Variants in PLXNB1 observed in about 807,000 individuals in gnomAD.
The protein encoded by PLXNB1 is plexin B1, also known as plexin-B1.
In PLXNB1, 106 loss-of-function variants were observed where a neutral mutation model predicts 209.4. That is an observed-to-expected ratio of 0.51 (90% CI 0.43 to 0.59). The LOEUF is 0.59. PLXNB1 is among the 20% of genes least tolerant of loss of function. The pLI, the probability that PLXNB1 is intolerant of heterozygous loss-of-function variation, is 0.00. For missense variants in PLXNB1, 2,357 were observed against 2,853.2 expected, an observed-to-expected ratio of 0.83 and a Z score of 3.96; for synonymous variants, 1,167 against 1,183.2, an observed-to-expected ratio of 0.99 and a Z score of 0.28.
At position 48,410,102 on chromosome 3, in the gene PLXNB1, A is replaced by G. The variant is rs2037571934; in HGVS notation, c.5606-25T>C. 6.5e-7 allele frequency: 1 copy of G among 1,549,090 alleles called. No homozygotes were observed. The highest frequency in any genetic ancestry group is 1.9e-5 in the Admixed American group (1 of 51,960). ...CCTGTGCCAAGAGCCCACAGCTGTC[A>G]CCCCTCCCCAGGTGCCACCTCCCCA... On this transcript the variant is annotated intron_variant, in intron 31 of 37. Transcript: ENST00000296440. The surrounding 1 kb of genome is among the most constrained non-coding windows in gnomAD (Gnocchi z 6.4).
In PLXNB1 at chr3:48,415,167, G is replaced by T. The variant is rs1401745992; in HGVS notation, c.3966+9C>A. 2.5e-6 allele frequency: 4 copies of T among 1,610,428 alleles called. No homozygotes were observed. Among genetic ancestry groups the T allele is most frequent in the East Asian group, 2.2e-5 (1 of 44,768 alleles). On this transcript the variant is annotated intron_variant, in intron 20 of 37. Transcript: ENST00000296440. This position sits in a 1 kb window ranked among gnomAD's most constrained non-coding sequence, Gnocchi z 5.0. ...GGGGAGAGTGTGGGGGTACCCAAGG[G>T]TGTCCTACTTGCTGGCTACTGCAGG...
In PLXNB1 at chr3:48,405,791, G is replaced by T; in HGVS notation, c.6236C>A (p.Ser2079Tyr). Residue 2079 changes from serine (S) to tyrosine (Y), a missense_variant, in exon 37 of 38, where the codon TCC becomes TAC. Around this residue, in one of 7 missense-constraint regions of PLXNB1, gnomAD observed 414 missense variants for 520.5 expected, o/e 0.80. Coordinates refer to ENST00000296440, the MANE Select transcript of PLXNB1 (RefSeq NM_001130082.3). The surrounding 1 kb of genome is among the most constrained non-coding windows in gnomAD (Gnocchi z 5.0). ...SVLAELSWNY[S>Y]GDLGARVALH... ...GGCCACTCGCGCCCCGAGGTCTCCG[G>T]AGTAGTTCTAGGGAAGAGGCCAAAT... The T allele has an allele frequency of 5.0e-6, 8 of 1,613,366 alleles. No individual in the cohort carries two copies. Among genetic ancestry groups the T allele is most frequent in the South Asian group, 1.1e-5 (1 of 91,050 alleles).
At position 48,419,348 on chromosome 3, in the gene PLXNB1, C is replaced by T. The variant is rs760460222; in HGVS notation, c.2728G>A (p.Ala910Thr). The T allele has an allele frequency of 3.2e-6, 5 of 1,569,990 alleles. No homozygotes were observed. The South Asian group carries it at 4.6e-5, about 15-fold the overall frequency. The change falls in exon 12 of 38, where the codon GCA (alanine) becomes ACA (threonine). Residue 910 changes from alanine to threonine, a missense_variant. Ala to Thr is a moderately conservative substitution (Grantham distance 58, BLOSUM62 0). This residue lies in a region of PLXNB1 where 410 missense variants were observed against 401.0 expected (regional missense o/e 1.02). Coordinates refer to ENST00000296440, the MANE Select transcript of PLXNB1 (RefSeq NM_001130082.3). This position sits in a 1 kb window ranked among gnomAD's most constrained non-coding sequence, Gnocchi z 5.7. ...LWELEEATLGASSCPCVESVQ... is the reference protein window; with the variant it reads ...LWELEEATLGTSSCPCVESVQ... ...CTCTCCACACAGGGGCAGGAGCTTG[C>T]CCCCAAGGTCGCCTCTTCCTGCAGG...
chr3:48,405,678 G>C lies in PLXNB1; in HGVS notation c.6303+46C>G. On this transcript the variant is annotated intron_variant, in intron 37 of 37. Coordinates refer to ENST00000296440, the MANE Select transcript of PLXNB1 (RefSeq NM_001130082.3). This position sits in a 1 kb window ranked among gnomAD's most constrained non-coding sequence, Gnocchi z 5.0. ...GGGTCAGAGCCCCTTAAGTCTCCTG[G>C]GAGGCCTTGGGTCAGCCTCCCAGTC... 1 of 1,475,030 alleles carries C rather than the reference G, an allele frequency of 6.8e-7. No individual in the cohort carries two copies. Among genetic ancestry groups the C allele is most frequent in the South Asian group, 1.1e-5 (1 of 87,166 alleles). 91.4% of individuals were successfully genotyped at this position (1,475,030 alleles called of 1,614,324 possible).
Position 48,417,776 on chromosome 3 carries a change from T to C in PLXNB1, c.3374+135A>G, listed in dbSNP as rs554448564. 4 of 977,010 alleles carry C rather than the reference T, an allele frequency of 4.1e-6. No homozygotes were observed. The African/African-American group carries it at 4.9e-5, about 12-fold the overall frequency. The allele number at this position is 977,010 out of a possible 1,614,324, so 60.5% of individuals were successfully genotyped here. On this transcript the variant is annotated intron_variant, in intron 16 of 37. Coordinates refer to ENST00000296440, the MANE Select transcript of PLXNB1 (RefSeq NM_001130082.3). This position sits in a 1 kb window ranked among gnomAD's most constrained non-coding sequence, Gnocchi z 4.4. ...GGGTCTTCAGTGGCAACGCTGGCACTCGGGCATTGTGGCCAGGATCAAGGA... is the reference window on the plus strand; with the variant it reads ...GGGTCTTCAGTGGCAACGCTGGCACCCGGGCATTGTGGCCAGGATCAAGGA...
rs779509942 is a variant in PLXNB1, at chr3:48,424,714, C to A, written c.-6-97G>T. ...ATAGGACTGTGGCATTGCCAAGATG[C>A]TCCTCCTAACCTAGGGGGTGAGCAG... On this transcript the variant is annotated intron_variant, in intron 2 of 37. Transcript: ENST00000296440. 4.0e-4 allele frequency: 517 copies of A among 1,288,728 alleles called. 1 individual carries two copies. Among genetic ancestry groups the A allele is most frequent in the Non-Finnish European group, 5.0e-4 (475 of 952,864 alleles). 79.8% of individuals were successfully genotyped at this position (1,288,728 alleles called of 1,614,324 possible). A position where few individuals can be genotyped will look rare whatever the true frequency, so the allele number is the denominator to read the frequency against.
chr3:48,425,670 T>G (rs927194810), intron 1 of PLXNB1, among the ~76,000 whole-genome samples: 5 of 152,130 alleles, frequency 3.3e-5, no homozygotes, highest in Non-Finnish European at 7.4e-5. Context: ...AACTCCACCC[T>G]GTAAAGGCAC....
Position 48,412,007 on chromosome 3 carries a change from G to A in PLXNB1, c.5103C>T (p.Asp1701=), listed in dbSNP as rs1364262073. 1.2e-6 allele frequency: 2 copies of A among 1,613,864 alleles called. No individual in the cohort carries two copies. Among genetic ancestry groups the A allele is most frequent in the Non-Finnish European group, 8.5e-7 (1 of 1,179,888 alleles). The change falls in exon 28 of 38, where the codon GAC becomes GAT. Residue 1701 remains aspartate, a splice_region_variant and synonymous_variant. Coordinates refer to ENST00000296440, the MANE Select transcript of PLXNB1 (RefSeq NM_001130082.3). The part of the protein sequence containing the change: ...MSICLYTFVR[D]SVGEPLYMLF... ...GCATGTACAGAGGCTCCCCTACGGA[G>A]TCCTAGGAGAGCACAGGCAGTTAGG...
At position 48,409,238 on chromosome 3, in the gene PLXNB1, T is replaced by C. The variant is rs2037497175; in HGVS notation, c.6087+91A>G. The C allele has an allele frequency of 6.7e-6, 10 of 1,502,122 alleles. No homozygotes were observed. Among genetic ancestry groups the C allele is most frequent in the East Asian group, 2.3e-5 (1 of 43,626 alleles). 93.0% of individuals were successfully genotyped at this position (1,502,122 alleles called of 1,614,324 possible). ...GTCAGAGGTCTCCCCTAAGCCCTCC[T>C]TGAAGTTCTCAGAAAAGCCTGGAAT... On this transcript the variant is annotated intron_variant, in intron 34 of 37. Coordinates refer to ENST00000296440, the MANE Select transcript of PLXNB1 (RefSeq NM_001130082.3). The surrounding 1 kb of genome is among the most constrained non-coding windows in gnomAD (Gnocchi z 5.8).
At position 48,412,504 on chromosome 3, in the gene PLXNB1, G is replaced by A. The variant is rs746408603; in HGVS notation, c.4971C>T (p.Arg1657=). ...GKLEYFTDIL[R]TLLSDLVAQY... ...GGGCAACCAGGTCACTGAGCAGAGT[G>A]CGGAGGATGTCAGTGAAATACTCAA... The change falls in exon 26 of 38, where the codon CGC becomes CGT. Residue 1657 remains arginine (R), a synonymous_variant. Transcript: ENST00000296440. The A allele has an allele frequency of 6.2e-6, 10 of 1,613,592 alleles. No individual in the cohort carries two copies. The highest frequency in any genetic ancestry group is 5.5e-5 in the South Asian group (5 of 91,096).
chr3:48,422,524 C>T (rs1011693440), intron 4 of PLXNB1, 65 bp from the exon 5 acceptor site: 65 of 1,476,938 alleles, frequency 4.4e-5, no homozygotes, highest in Non-Finnish European at 5.4e-5. Flanking sequence ...GCCCTCCCCT[C>T]CTCCACCCAA....
rs999381574 is a variant in PLXNB1 at position 48,415,966 on chromosome 3, C to T, written c.3617+65G>A. ...TTCCCCTTTCTGCTCTCCCCAGGAT[C>T]TCAGACCCCTCCATCTTTCCCCTGG... is the stretch of plus-strand genomic sequence containing the variant. On this transcript the variant is annotated intron_variant, in intron 18 of 37. Coordinates refer to ENST00000296440, the MANE Select transcript of PLXNB1 (RefSeq NM_001130082.3). The surrounding 1 kb of genome is among the most constrained non-coding windows in gnomAD (Gnocchi z 5.0). 11 of 1,535,236 alleles carry T rather than the reference C, an allele frequency of 7.2e-6. No individual in the cohort carries two copies. The African/African-American group carries it at 1.4e-4, about 19-fold the overall frequency.
chr3:48,409,285 T>C lies in PLXNB1; in HGVS notation c.6087+44A>G, dbSNP rs2037498792. ...GAATCTGAGTGCACACACAGCACTG[T>C]CCACCCTCACCCATCCCCCCGTGTC... On this transcript the variant is annotated intron_variant, in intron 34 of 37. Transcript: ENST00000296440. This position sits in a 1 kb window ranked among gnomAD's most constrained non-coding sequence, Gnocchi z 5.8. The C allele has an allele frequency of 6.4e-7, 1 of 1,573,220 alleles. No individual in the cohort carries two copies. The highest frequency in any genetic ancestry group is 1.6e-5 in the African/African-American group (1 of 61,442).
chr3:48,419,552 G>T lies in PLXNB1; in HGVS notation c.2709+25C>A. On this transcript the variant is annotated intron_variant, in intron 11 of 37. Transcript: ENST00000296440. This position sits in a 1 kb window ranked among gnomAD's most constrained non-coding sequence, Gnocchi z 5.7. ...TCTTCCCCACATCCCCTCCCCTGAG[G>T]CCTCCTTCCTGGGCTGGGCCTCACC... is the stretch of plus-strand genomic sequence containing the variant. 2 of 1,585,452 alleles carry T rather than the reference G, an allele frequency of 1.3e-6. No individual in the cohort carries two copies. The highest frequency in any genetic ancestry group is 1.1e-5 in the South Asian group (1 of 89,528).
chr3:48,415,274 C>T lies in PLXNB1; in HGVS notation c.3868G>A (p.Val1290Ile), dbSNP rs755759158. 2.5e-6 allele frequency: 4 copies of T among 1,613,470 alleles called. No individual in the cohort carries two copies. In the African/African-American group the frequency reaches 5.3e-5, roughly 22 times the overall value. ...TGGCTGGGCTGCAGCATTCTCGAGACCACGGTCACCCGGATTCTTGGCGTC... is the reference window on the plus strand; with the variant it reads ...TGGCTGGGCTGCAGCATTCTCGAGATCACGGTCACCCGGATTCTTGGCGTC... Reference protein sequence around the residue: ...VQTPRIRVTVVSRMLQPSQGL... With the variant: ...VQTPRIRVTVISRMLQPSQGL... The change falls in exon 20 of 38, where the codon GTC becomes ATC. Residue 1290 changes from valine (V) to isoleucine (I), a missense_variant. By Grantham distance (29) the Val-to-Ile change is conservative. Coordinates refer to ENST00000296440, the MANE Select transcript of PLXNB1 (RefSeq NM_001130082.3). The surrounding 1 kb of genome is among the most constrained non-coding windows in gnomAD (Gnocchi z 5.0).
In PLXNB1 at chr3:48,419,818, A is replaced by G; in HGVS notation, c.2468T>C (p.Val823Ala). Residue 823 changes from valine to alanine, a missense_variant, in exon 11 of 38, where the codon GTT becomes GCT. Transcript: ENST00000296440. The surrounding 1 kb of genome is among the most constrained non-coding windows in gnomAD (Gnocchi z 5.7). ...GGCCCCTGGGAAAGTGGTGGCAGGAACAGTGGCAGGGGGCAGGTCCAGGGG... is the reference window on the plus strand; with the variant it reads ...GGCCCCTGGGAAAGTGGTGGCAGGAGCAGTGGCAGGGGGCAGGTCCAGGGG... ...TVPLDLPPAT[V>A]PATTFPGAMG... is the part of the protein sequence containing the mutation. 1 of 1,587,544 alleles carries G rather than the reference A, an allele frequency of 6.3e-7. No homozygotes were observed. The highest frequency in any genetic ancestry group is 8.6e-7 in the Non-Finnish European group (1 of 1,165,700).
chr3:48,430,262 G>A (rs1213465758), upstream of PLXNB1, among the ~76,000 whole-genome samples: 1 of 152,258 alleles, frequency 6.6e-6, no homozygotes, highest in Non-Finnish European at 1.5e-5. Context: ...GGGCTGTGAA[G>A]GCAGGGAACC....
chr3:48,407,066 T>C lies in PLXNB1; in HGVS notation c.6113A>G (p.Tyr2038Cys), dbSNP rs1464671160. The change falls in exon 35 of 38, where the codon TAT (tyrosine) becomes TGT (cysteine). Residue 2038 changes from tyrosine (Y) to cysteine (C), a missense_variant. Around this residue, in one of 7 missense-constraint regions of PLXNB1, gnomAD observed 414 missense variants for 520.5 expected, o/e 0.80. Transcript: ENST00000296440. ...CTTGTACCGGGGAATGTCCCGTGCATACAGAAGTTTGTTGATCGGGGAGTC... is the reference window on the plus strand; with the variant it reads ...CTTGTACCGGGGAATGTCCCGTGCACACAGAAGTTTGTTGATCGGGGAGTC... ...GRDSPINKLL[Y>C]ARDIPRYKRM... 4 of 1,614,020 alleles carry C rather than the reference T, an allele frequency of 2.5e-6. No homozygotes were observed. The highest frequency in any genetic ancestry group is 1.1e-5 in the South Asian group (1 of 91,078).
At chr3:48,428,879 G>A (rs1357635039) in intron 1 of PLXNB1, among the ~76,000 whole-genome samples, 1 of 141,048 alleles carries the variant, frequency 7.1e-6, no homozygotes, top group African/African-American at 2.5e-5. Flanking sequence ...GGAGCAGCCA[G>A]AAAGGGCTGT....
Sources: gnomAD v4.1 joint callset for allele counts (sites outside exome capture counted in the v4.1 genomes callset) on GRCh38, gnomAD v4.1.1 for gene constraint, gnomAD v4.1.1 regional missense constraint, Gnocchi (gnomAD v3.1) non-coding constraint, MANE v1.5 for transcripts, NCBI Gene and HGNC (gene_info 2026-07-23, HGNC 2026-07-21) for gene names.